LCT: variants seen among roughly 807,000 people sequenced by gnomAD.
LCT encodes lactase/phlorizin hydrolase.
In LCT, 90 loss-of-function variants were observed where a neutral mutation model predicts 173.0. The ratio of observed to expected loss-of-function variants is 0.52; its 90% CI spans 0.44 to 0.62. The LOEUF is 0.62. Ranked by LOEUF, LCT falls within the 20% of genes least tolerant of loss-of-function variation. The pLI, the probability that LCT is intolerant of heterozygous loss-of-function variation, is 0.00. For synonymous variants in LCT, 853 were observed against 957.6 expected (o/e 0.89, Z 2.02); for missense variants, 1,864 against 2,431.4 (o/e 0.77, Z 4.91).
intron 13 of LCT, among the ~76,000 whole-genome samples, chr2:135,795,509 CTG>C (rs1337941642): frequency 6.6e-6 from 1 of 151,828 alleles, no homozygotes; most frequent in Non-Finnish European, 1.5e-5. Context: ...ACACCCGGCC[CTG>C]TATCTTGTGT....
chr2:135,823,689 G>A (rs1027041552), intron 4 of LCT, among the ~76,000 whole-genome samples: 3 of 152,148 alleles, frequency 2.0e-5, no homozygotes, highest in Non-Finnish European at 4.4e-5. Flanking sequence ...TCCTTGTGTC[G>A]AACCTCTCCT....
In LCT at chr2:135,790,907, G is replaced by C. The variant is rs745651030; in HGVS notation, c.5112-26C>G. 1 of 1,559,696 alleles carries C rather than the reference G, an allele frequency of 6.4e-7. No individual in the cohort carries two copies. Among genetic ancestry groups the C allele is most frequent in the Non-Finnish European group, 8.8e-7 (1 of 1,130,434 alleles). The stretch of plus-strand genomic sequence containing the variant: ...CTACAAGTTCAAAAACTAAAGATGA[G>C]GTCTTGTTTTGTAAATCTCAAGAGG... On this transcript the variant is annotated intron_variant, in intron 14 of 16. Coordinates refer to ENST00000264162, the MANE Select transcript of LCT (RefSeq NM_002299.4). This position sits in a 1 kb window ranked among gnomAD's most constrained non-coding sequence, Gnocchi z 4.1.
Position 135,798,087 on chromosome 2 carries a change from C to T in LCT, c.4918G>A (p.Glu1640Lys). The T allele has an allele frequency of 6.2e-7, 1 of 1,613,484 alleles. No homozygotes were observed. ...HPIFKNGDYN[E>K]VMKTRIRDRS... ...TCACGGATCCGCGTCTTCATCACCT[C>T]ATTGTAATCTCCATTCTTGAAAATA... Residue 1640 changes from glutamate to lysine, a missense_variant, in exon 13 of 17, where the codon GAG becomes AAG. By Grantham distance (56) the Glu-to-Lys change is moderately conservative (BLOSUM62 1). Coordinates refer to ENST00000264162, the MANE Select transcript of LCT (RefSeq NM_002299.4).
At chr2:135,798,264 T>A in intron 12 of LCT, 126 bp from the exon 13 acceptor site, 2 of 719,626 alleles carry the variant, frequency 2.8e-6, no homozygotes, top group Non-Finnish European at 5.1e-6. Context: ...CAGGTTAAGC[T>A]CTCTTCCCTG....
chr2:135,797,824 C>T (rs2077594649), intron 13 of LCT, among the ~76,000 whole-genome samples: 1 of 152,184 alleles, frequency 6.6e-6, no homozygotes, highest in African/African-American at 2.4e-5. Context: ...GAACAGATTT[C>T]CTGGCTGTTC....
Position 135,812,348 on chromosome 2 carries a change from T to C in LCT, c.2316A>G (p.Val772=). Residue 772 remains valine (V), a synonymous_variant, in exon 7 of 17, where the codon GTA becomes GTG. Transcript: ENST00000264162. ...SENLFDDSLR[V]DYFNQYINEV... The stretch of plus-strand genomic sequence containing the variant: ...CATTGATATATTGATTGAAGTAGTC[T>C]ACTCTTAAGGAATCATCAAAGAGAT... The C allele has an allele frequency of 6.2e-7, 1 of 1,613,940 alleles. No individual in the cohort carries two copies. The highest frequency in any genetic ancestry group is 8.5e-7 in the Non-Finnish European group (1 of 1,179,764).
chr2:135,795,271 G>A (rs1315648461), intron 13 of LCT, among the ~76,000 whole-genome samples: 4 of 151,392 alleles, frequency 2.6e-5, no homozygotes, highest in Non-Finnish European at 5.9e-5. Flanking sequence ...GCAGTGGCGC[G>A]ATCTCAGCTC....
chr2:135,789,370 G>A (rs2077516665), intron 16 of LCT, among the ~76,000 whole-genome samples: 1 of 152,194 alleles, frequency 6.6e-6, no homozygotes, highest in Non-Finnish European at 1.5e-5. Flanking sequence ...TGGTTTCTAG[G>A]TGTAACATTG....
In LCT at chr2:135,822,091, A is replaced by G. The variant is rs544780193; in HGVS notation, c.915T>C (p.Asn305=). The G allele has an allele frequency of 6.3e-7, 1 of 1,585,442 alleles. No homozygotes were observed. The highest frequency in any genetic ancestry group is 1.1e-5 in the South Asian group (1 of 90,562). Residue 305 remains asparagine, a synonymous_variant, in exon 5 of 17, where the codon AAT becomes AAC. Transcript: ENST00000264162. ...ACCCAATGGTGAGCACTTGGTCTTT[A>G]TTTATGGCTGTAAGAGAAGAAATTG... ...SLLFSLFEAI[N]KDQVLTIGFD...
intron 14 of LCT, among the ~76,000 whole-genome samples, chr2:135,792,893 A>G (rs2077543823): frequency 6.6e-6 from 1 of 152,132 alleles, no homozygotes. Context: ...ACCCTGGCCA[A>G]CGTAGGGCAA....
chr2:135,829,488 T>C (rs1275213606), intron 3 of LCT, 105 bp downstream of exon 3: 2 of 862,934 alleles, frequency 2.3e-6, no homozygotes, highest in Non-Finnish European at 4.0e-6. Flanking sequence ...GTCTCTGCTG[T>C]TGATGGAAGT....
chr2:135,788,162 G>A lies in LCT; in HGVS notation c.*162C>T, dbSNP rs2077506466. On this transcript the variant is annotated 3_prime_UTR_variant, in exon 17 of 17. Coordinates refer to ENST00000264162, the MANE Select transcript of LCT (RefSeq NM_002299.4). ...GATGGAGATATTTCCATTTTACTCA[G>A]CAAGTCGAAATCATTCAAGATTAAA... is the stretch of plus-strand genomic sequence containing the variant. 1.5e-6 allele frequency: 1 copy of A among 681,314 alleles called. No homozygotes were observed. The highest frequency in any genetic ancestry group is 1.7e-5 in the South Asian group (1 of 59,672). The allele number at this position is 681,314 out of a possible 1,614,324, so 42.2% of individuals were successfully genotyped here.
intron 7 of LCT, 95 bp from the exon 8 acceptor site, chr2:135,810,088 T>C: frequency 3.6e-6 from 3 of 834,526 alleles, no homozygotes. Flanking sequence ...CTCAAACTCC[T>C]GGACTCAAGT....
Position 135,804,043 on chromosome 2 carries a change from T to C in LCT, c.4550A>G (p.Glu1517Gly). Residue 1517 changes from glutamate to glycine, a missense_variant, in exon 11 of 17, where the codon GAG (glutamate) becomes GGG (glycine). Glu to Gly is a moderately conservative substitution (Grantham distance 98). This residue lies in a region of LCT where 514 missense variants were observed against 750.1 expected (regional missense o/e 0.69). Transcript: ENST00000264162. The stretch of plus-strand genomic sequence containing the variant: ...CCTCTGGAAGAGCACATCTGCATAC[T>C]CCTTAAACCGCTGCACGATGGTCTC... ...ENETIVQRFK[E>G]YADVLFQRLG... The C allele has an allele frequency of 6.2e-7, 1 of 1,614,050 alleles. No individual in the cohort carries two copies. The highest frequency in any genetic ancestry group is 8.5e-7 in the Non-Finnish European group (1 of 1,179,936).
At position 135,804,084 on chromosome 2, in the gene LCT, T is replaced by C. The variant is rs1295515772; in HGVS notation, c.4509A>G (p.Val1503=). The C allele has an allele frequency of 1.9e-6, 3 of 1,614,144 alleles. No homozygotes were observed. The highest frequency in any genetic ancestry group is 2.2e-5 in the East Asian group (1 of 44,870). Residue 1503 remains valine, a synonymous_variant, in exon 11 of 17, where the codon GTA becomes GTG. Transcript: ENST00000264162. The part of the protein sequence containing the change: ...HWDLPQTLQD[V]GGWENETIVQ... ...CGATGGTCTCATTCTCCCAGCCTCC[T>C]ACATCTTGGAGCGTCTGTGGTAGGT...
chr2:135,804,987 C>T lies in LCT; in HGVS notation c.4244G>A (p.Arg1415Lys), dbSNP rs2077658210. 3 of 1,614,150 alleles carry T rather than the reference C, an allele frequency of 1.9e-6. No individual in the cohort carries two copies. Among genetic ancestry groups the T allele is most frequent in the Non-Finnish European group, 2.5e-6 (3 of 1,179,996 alleles). ...IWDTFSHTPL[R>K]VENDAIGDVA... The stretch of plus-strand genomic sequence containing the variant: ...GTCTCCAATGGCATCGTTCTCAACC[C>T]TCAGTGGTGTGTGAGAAAACGTGTC... Residue 1415 changes from arginine to lysine, a missense_variant, in exon 10 of 17, where the codon AGG becomes AAG. Transcript: ENST00000264162.
At chr2:135,831,340 A>C (rs1575349932) in intron 2 of LCT, among the ~76,000 whole-genome samples, 1 of 152,232 alleles carries the variant, frequency 6.6e-6, no homozygotes, top group South Asian at 2.1e-4. Context: ...GGTAGGAAGC[A>C]AGCATAGCAC....
chr2:135,805,183 G>C (rs1450157694), intron 9 of LCT, 126 bp from the exon 10 acceptor site: 1 of 944,118 alleles, frequency 1.1e-6, no homozygotes, highest in Non-Finnish European at 1.7e-6. Flanking sequence ...CTTAAAACAA[G>C]CACATTGGTC....
intron 5 of LCT, among the ~76,000 whole-genome samples, chr2:135,821,353 C>T (rs2077828846): frequency 6.6e-6 from 1 of 152,162 alleles, no homozygotes; most frequent in African/African-American, 2.4e-5. Flanking sequence ...TGTCTCCTTC[C>T]AGGGAGGATG....
Sources: gnomAD v4.1 joint callset for allele counts (sites outside exome capture counted in the v4.1 genomes callset) on GRCh38, gnomAD v4.1.1 for gene constraint, gnomAD v4.1.1 regional missense constraint, Gnocchi (gnomAD v3.1) non-coding constraint, MANE v1.5 for transcripts, NCBI Gene and HGNC (gene_info 2026-07-23, HGNC 2026-07-21) for gene names.